NFIB: variants seen among roughly 807,000 people sequenced by gnomAD.
NFIB encodes the protein nuclear factor I B.
NFIB carries 11 observed loss-of-function variants against 61.5 expected under a neutral mutation model. The observed-to-expected ratio is 0.18, with a 90% confidence interval of 0.11 to 0.30. The LOEUF (loss-of-function observed/expected upper bound fraction) is 0.30. Ranked by LOEUF, NFIB falls within the 10% of genes least tolerant of loss-of-function variation. The pLI is 1.00. For synonymous variants in NFIB, 260 were observed against 216.5 expected (o/e 1.20, Z -1.76); for missense variants, 471 against 608.9 (o/e 0.77, Z 2.38).
chr9:14,395,726 CTTTT>C lies in NFIB; in HGVS notation c.108+2794_108+2797del, dbSNP rs35417792. Among the ~76,000 whole-genome samples, 4 of 65,756 alleles carry C rather than the reference CTTTT, an allele frequency of 6.1e-5. No individual in the cohort carries two copies. In the South Asian group the frequency reaches 1.9e-3, roughly 31 times the overall value. 43.1% of individuals were successfully genotyped at this position (65,756 alleles called of 152,430 possible). A position where few individuals can be genotyped will look rare whatever the true frequency, so the allele number is the denominator to read the frequency against. On this transcript the variant is annotated intron_variant, in intron 1 of 8. Transcript: ENST00000380934. ...TCATCCCCCTCCCATATTCTTTTGA[CTTTT>C]TTTTTTTTTTTTTTTTTTTTTTTTG... is the stretch of plus-strand genomic sequence containing the variant.
At chr9:14,118,768 C>CTTTTTTTT (rs35334290) in intron 8 of NFIB, among the ~76,000 whole-genome samples, 2 of 129,016 alleles carry the variant, frequency 1.6e-5, no homozygotes, top group African/African-American at 2.8e-5. Context: ...TTTTCTTTTT[C>CTTTTTTTT]TTTTTTTTTT....
intron 6 of NFIB, among the ~76,000 whole-genome samples, chr9:14,143,338 T>C (rs1274511978): frequency 6.6e-6 from 1 of 151,956 alleles, no homozygotes. Context: ...AGAATACATA[T>C]AATAATTTGG....
chr9:14,260,352 A>C (rs188580293), intron 2 of NFIB, among the ~76,000 whole-genome samples: 1 of 152,348 alleles, frequency 6.6e-6, no homozygotes, highest in Non-Finnish European at 1.5e-5. Flanking sequence ...CACCAAGGAC[A>C]CTATGAAATG....
chr9:14,400,872 T>C (rs556550097), upstream of NFIB, among the ~76,000 whole-genome samples: 5 of 152,276 alleles, frequency 3.3e-5, no homozygotes, highest in South Asian at 6.2e-4. Flanking sequence ...ATCACTGGCG[T>C]AGGGAGGAGG....
At chr9:14,332,572 G>A (rs938028407) in intron 1 of NFIB, among the ~76,000 whole-genome samples, 5 of 152,160 alleles carry the variant, frequency 3.3e-5, no homozygotes, top group Non-Finnish European at 5.9e-5. Flanking sequence ...GTTGAGACGG[G>A]AGCAGTGAGG....
At chr9:14,353,694 G>A (rs1482230832) in intron 1 of NFIB, among the ~76,000 whole-genome samples, 2 of 152,130 alleles carry the variant, frequency 1.3e-5, no homozygotes, top group Non-Finnish European at 2.9e-5. Flanking sequence ...AGCTGACGTG[G>A]AGACCCGCAG....
At chr9:14,479,308 T>C in the NFIB span, among the ~76,000 whole-genome samples, 3 of 152,192 alleles carry the variant, frequency 2.0e-5, no homozygotes, top group South Asian at 4.1e-4. Flanking sequence ...TTCTTCTTTA[T>C]ATGGGAAACA....
At chr9:14,404,005 T>G in the NFIB span, among the ~76,000 whole-genome samples, 1 of 152,248 alleles carries the variant, frequency 6.6e-6, no homozygotes, top group African/African-American at 2.4e-5. Context: ...TTTCAGTATA[T>G]CCTTCTGAAA....
intron 1 of NFIB, among the ~76,000 whole-genome samples, chr9:14,332,842 A>C (rs1389559983): frequency 6.6e-6 from 1 of 152,214 alleles, no homozygotes; most frequent in Non-Finnish European, 1.5e-5. Context: ...TAGCTAACAG[A>C]AACATAGAGC....
chr9:14,278,533 A>G (rs1312981351), intron 2 of NFIB, among the ~76,000 whole-genome samples: 1 of 152,204 alleles, frequency 6.6e-6, no homozygotes, highest in African/African-American at 2.4e-5. Flanking sequence ...GGCTGCCTCA[A>G]TGGCTGAGGA....
At chr9:14,398,840 G>T in exon 1 of NFIB, 2 of 496,296 alleles carry the variant, frequency 4.0e-6, no homozygotes, top group South Asian at 2.8e-5. Context: ...AAGAACAAAG[G>T]GGTCCTGTAC....
At chr9:14,520,539 C>G in the NFIB span, among the ~76,000 whole-genome samples, 1 of 152,206 alleles carries the variant, frequency 6.6e-6, no homozygotes, top group Admixed American at 6.5e-5. Context: ...TTCTGCAAAA[C>G]AGTCACTCTC....
At chr9:14,215,078 T>C (rs969308833) in intron 2 of NFIB, among the ~76,000 whole-genome samples, 15 of 152,372 alleles carry the variant, frequency 9.8e-5, no homozygotes, top group African/African-American at 3.6e-4. Context: ...AGTATATTAC[T>C]TATAATTTTT....
At chr9:14,189,814 A>G (rs1220099441) in intron 2 of NFIB, among the ~76,000 whole-genome samples, 5 of 151,014 alleles carry the variant, frequency 3.3e-5, no homozygotes, top group African/African-American at 1.2e-4. Context: ...CCACTGTTTT[A>G]CAGAGAACAA....
chr9:14,464,848 C>A, the NFIB span, among the ~76,000 whole-genome samples: 1 of 152,094 alleles, frequency 6.6e-6, no homozygotes, highest in Non-Finnish European at 1.5e-5. Context: ...TGTCTCCAAT[C>A]CCTCCTGTGA....
chr9:14,384,022 T>A (rs1280836397), intron 1 of NFIB, among the ~76,000 whole-genome samples: 2 of 152,216 alleles, frequency 1.3e-5, no homozygotes, highest in African/African-American at 2.4e-5. Context: ...CGTGATTGGC[T>A]GGGGGGCGTG....
intron 2 of NFIB, among the ~76,000 whole-genome samples, chr9:14,252,106 G>A (rs982775180): frequency 5.3e-5 from 8 of 152,092 alleles, no homozygotes; most frequent in South Asian, 2.1e-4. Flanking sequence ...TTATCTTTCG[G>A]TGAGAGAAAG....
At chr9:14,170,150 A>G (rs949304507) in intron 3 of NFIB, among the ~76,000 whole-genome samples, 2 of 152,218 alleles carry the variant, frequency 1.3e-5, no homozygotes, top group Non-Finnish European at 2.9e-5. Flanking sequence ...TAACTTCTGC[A>G]AAGTTCAGTG....
At chr9:14,138,031 G>T (rs958935876) in intron 6 of NFIB, among the ~76,000 whole-genome samples, 1 of 152,100 alleles carries the variant, frequency 6.6e-6, no homozygotes, top group Non-Finnish European at 1.5e-5. Context: ...TTGGGATACA[G>T]TATTATATAG....
Sources: allele counts gnomAD v4.1 joint callset (sites outside exome capture counted in the v4.1 genomes callset), GRCh38; gene constraint gnomAD v4.1.1; transcripts MANE v1.5; gene names NCBI Gene and HGNC (gene_info 2026-07-23, HGNC 2026-07-21).